The following SMAD3 variants were observed in gnomAD, a reference collection of about 807,000 sequenced individuals.
SMAD3 encodes the protein MAD homolog 3.
SMAD3 carries 12 observed loss-of-function variants against 51.8 expected under a neutral mutation model. The observed-to-expected ratio is 0.23, with a 90% CI of 0.15 to 0.38. The LOEUF (loss-of-function observed/expected upper bound fraction) is 0.38. Ranked by LOEUF, SMAD3 falls within the 10% of genes least tolerant of loss-of-function variation. SMAD3 has a pLI of 1.00. For missense variants in SMAD3, 294 were observed against 565.6 expected, an observed-to-expected ratio of 0.52 and a Z score of 4.87; for synonymous variants, 238 against 227.7, an observed-to-expected ratio of 1.05 and a Z score of -0.41.
At chr15:67,170,625 A>C (rs374087443) in intron 5 of SMAD3, 21 bp downstream of exon 5, 11 of 1,608,310 alleles carry the variant, frequency 6.8e-6, no homozygotes, top group Admixed American at 1.7e-5. Context: ...CCTTGTGCAC[A>C]CAACTGGAAC....
At position 67,191,703 on chromosome 15, in the gene SMAD3, C is replaced by T. The variant is rs914518570; in HGVS notation, c.*1167C>T. ...CTGAAATTTACAGAAGCAAATTCAC[C>T]AGAAGGGAAACATCTCAGGCCAACA... is the stretch of plus-strand genomic sequence containing the variant. On this transcript the variant is annotated 3_prime_UTR_variant, in exon 9 of 9. Coordinates refer to ENST00000327367, the MANE Select transcript of SMAD3 (RefSeq NM_005902.4). 1 of 231,358 alleles carries T rather than the reference C, an allele frequency of 4.3e-6. No individual in the cohort carries two copies. Among genetic ancestry groups the T allele is most frequent in the Admixed American group, 5.6e-5 (1 of 17,718 alleles). 14.3% of individuals were successfully genotyped at this position (231,358 alleles called of 1,614,324 possible).
intron 7 of SMAD3, chr15:67,187,145 C>A (rs1254838972): frequency 1.6e-5 from 11 of 684,226 alleles, no homozygotes. Context: ...GTCAGTGGCA[C>A]CTCCCAGTGA....
In SMAD3 at chr15:67,192,504, A is replaced by T. The variant is rs1963392049; in HGVS notation, c.*1968A>T. On this transcript the variant is annotated 3_prime_UTR_variant, in exon 9 of 9. Transcript: ENST00000327367. ...AGGAAGCCCCCTGAACCTCCTGTAC[A>T]TGTGTTCATGTTCCCAGCCAGCTCT... 4.3e-6 allele frequency: 1 copy of T among 233,428 alleles called. No homozygotes were observed. Among genetic ancestry groups the T allele is most frequent in the Non-Finnish European group, 8.5e-6 (1 of 118,054 alleles). 14.5% of individuals were successfully genotyped at this position (233,428 alleles called of 1,614,324 possible).
At chr15:67,163,821 C>T (rs1962495325) in intron 1 of SMAD3, among the ~76,000 whole-genome samples, 1 of 151,994 alleles carries the variant, frequency 6.6e-6, no homozygotes, top group African/African-American at 2.4e-5. Context: ...CCCCTGCAGT[C>T]CCAGCTACTT....
chr15:67,105,015 G>C (rs893793780), intron 1 of SMAD3, among the ~76,000 whole-genome samples: 2 of 152,220 alleles, frequency 1.3e-5, no homozygotes, highest in South Asian at 2.1e-4. Context: ...CTTCCTGGGG[G>C]TCTCTCAGTA....
At position 67,190,834 on chromosome 15, in the gene SMAD3, T is replaced by C. The variant is rs1963343078; in HGVS notation, c.*298T>C. The C allele has an allele frequency of 6.7e-6, 3 of 446,420 alleles. No individual in the cohort carries two copies. Among genetic ancestry groups the C allele is most frequent in the South Asian group, 2.9e-5 (1 of 34,624 alleles). 27.7% of individuals were successfully genotyped at this position (446,420 alleles called of 1,614,324 possible). On this transcript the variant is annotated 3_prime_UTR_variant, in exon 9 of 9. Transcript: ENST00000327367. Reference sequence around the variant, plus strand: ...AGGTAGTATTACACCACCGGCCCCCTCCCCCCAGACTCTTTTTTTGAGTGA... The same window carrying C: ...AGGTAGTATTACACCACCGGCCCCCCCCCCCCAGACTCTTTTTTTGAGTGA...
At chr15:67,179,115 TG>T (rs1962984311) in intron 5 of SMAD3, among the ~76,000 whole-genome samples, 1 of 152,170 alleles carries the variant, frequency 6.6e-6, no homozygotes, top group Non-Finnish European at 1.5e-5. Flanking sequence ...GTAAAGAGGA[TG>T]AGGCCCACAG....
intron 1 of SMAD3, among the ~76,000 whole-genome samples, chr15:67,120,004 C>T (rs139721304): frequency 0.011 from 1,682 of 152,242 alleles, 36 homozygotes; most frequent in African/African-American, 0.039. Context: ...ACCGTGTTGC[C>T]CAGGCTGGTC....
In SMAD3 at chr15:67,193,995, T is replaced by G. The variant is rs544968102; in HGVS notation, c.*3459T>G. 4.3e-6 allele frequency: 1 copy of G among 233,280 alleles called. No individual in the cohort carries two copies. Among genetic ancestry groups the G allele is most frequent in the South Asian group, 1.8e-4 (1 of 5,526 alleles). 14.5% of individuals were successfully genotyped at this position (233,280 alleles called of 1,614,324 possible). Reference sequence around the variant, plus strand: ...AGGGCCGGAGCTCAGGTTACACCACTCCTTCGTCCTTACAGGAGATGTAGG... The same window carrying G: ...AGGGCCGGAGCTCAGGTTACACCACGCCTTCGTCCTTACAGGAGATGTAGG... On this transcript the variant is annotated 3_prime_UTR_variant, in exon 9 of 9. Coordinates refer to ENST00000327367, the MANE Select transcript of SMAD3 (RefSeq NM_005902.4).
intron 1 of SMAD3, among the ~76,000 whole-genome samples, chr15:67,070,333 G>T (rs190101837): frequency 7.0e-4 from 106 of 152,242 alleles, no homozygotes; most frequent in African/African-American, 2.3e-3. Context: ...AGCTGATGAG[G>T]GATCTGACTC....
At chr15:67,074,452 A>G (rs1262837199) in intron 1 of SMAD3, among the ~76,000 whole-genome samples, 4 of 152,236 alleles carry the variant, frequency 2.6e-5, no homozygotes, top group Non-Finnish European at 5.9e-5. Context: ...AAGCATCTAT[A>G]TAAAGAAAGG....
intron 1 of SMAD3, among the ~76,000 whole-genome samples, chr15:67,079,494 G>T (rs1032237993): frequency 6.6e-6 from 1 of 152,128 alleles, no homozygotes; most frequent in African/African-American, 2.4e-5. Flanking sequence ...TGTTACTCTT[G>T]GCCATGTCCA....
In SMAD3 at chr15:67,181,242, C is replaced by T. The variant is rs1963044305; in HGVS notation, c.660C>T (p.Asp220=). 6.2e-7 allele frequency: 1 copy of T among 1,612,394 alleles called. No homozygotes were observed. The highest frequency in any genetic ancestry group is 8.5e-7 in the Non-Finnish European group (1 of 1,179,822). Residue 220 remains aspartate, a splice_region_variant and synonymous_variant, in exon 6 of 9, where the codon GAC becomes GAT. Coordinates refer to ENST00000327367, the MANE Select transcript of SMAD3 (RefSeq NM_005902.4). The part of the protein sequence containing the change: ...NPMSPAHNNL[D]LQPVTYCEPA... ...CAGTAGCCCACCCTGTGTCCACAGACCTGCAGCCAGTTACCTACTGCGAGC... is the reference window on the plus strand; with the variant it reads ...CAGTAGCCCACCCTGTGTCCACAGATCTGCAGCCAGTTACCTACTGCGAGC...
chr15:67,175,299 G>T (rs1962859911), intron 5 of SMAD3, among the ~76,000 whole-genome samples: 1 of 152,234 alleles, frequency 6.6e-6, no homozygotes, highest in African/African-American at 2.4e-5. Context: ...GGCTTCCAGA[G>T]TGCCAGTGGC....
At chr15:67,104,994 T>C (rs1960844695) in intron 1 of SMAD3, among the ~76,000 whole-genome samples, 1 of 152,244 alleles carries the variant, frequency 6.6e-6, no homozygotes, top group African/African-American at 2.4e-5. Context: ...GGCTCTGCTC[T>C]TCCTTGTCTG....
intron 1 of SMAD3, among the ~76,000 whole-genome samples, chr15:67,085,905 C>CAG: frequency 7.0e-6 from 1 of 143,016 alleles, no homozygotes. Context: ...CACACATACA[C>CAG]AGAGAACAGC....
chr15:67,070,776 G>GA (rs1020854173), intron 1 of SMAD3, among the ~76,000 whole-genome samples: 34 of 150,912 alleles, frequency 2.3e-4, no homozygotes, highest in African/African-American at 6.1e-4. Flanking sequence ...GTTTTTTTCT[G>GA]AAAAAAACAC....
intron 1 of SMAD3, among the ~76,000 whole-genome samples, chr15:67,101,372 T>G (rs1960752499): frequency 6.6e-6 from 1 of 152,202 alleles, no homozygotes; most frequent in Non-Finnish European, 1.5e-5. Flanking sequence ...TATAGTAATA[T>G]TTACGTATGG....
At chr15:67,085,938 A>C (rs1960383574) in intron 1 of SMAD3, among the ~76,000 whole-genome samples, 1 of 151,300 alleles carries the variant, frequency 6.6e-6, no homozygotes, top group Non-Finnish European at 1.5e-5. Flanking sequence ...AAGTGTGTTG[A>C]TTTGGTCACC....
Sources: gnomAD v4.1 joint callset for allele counts (sites outside exome capture counted in the v4.1 genomes callset) on GRCh38, gnomAD v4.1.1 for gene constraint, MANE v1.5 for transcripts, NCBI Gene and HGNC (gene_info 2026-07-23, HGNC 2026-07-21) for gene names.